Variants in MAOB observed in about 807,000 individuals in gnomAD.
MAOB encodes amine oxidase [flavin-containing] B.
A neutral mutation model predicts 41.9 loss-of-function variants in MAOB; 15 were observed. The observed-to-expected ratio is 0.36, with a 90% CI of 0.24 to 0.55. The LOEUF (loss-of-function observed/expected upper bound fraction) is 0.55. MAOB is among the 20% of genes least tolerant of loss of function. MAOB has a pLI of 0.86. For missense variants in MAOB, 345 were observed against 398.7 expected (o/e 0.87, Z 1.15); for synonymous variants, 167 against 144.2 (o/e 1.16, Z -1.13).
chrX:43,871,012 A>G (rs2035403287), intron 1 of MAOB, among the ~76,000 whole-genome samples: 1 of 110,707 alleles, frequency 9.0e-6, no homozygotes, highest in African/African-American at 3.3e-5. Flanking sequence ...TAGAAGCTTT[A>G]TCGGGGTTCA....
At chrX:43,802,352 C>T in intron 4 of MAOB, 89 bp from the exon 5 acceptor site, 1 of 617,711 alleles carries the variant, frequency 1.6e-6, no homozygotes, top group Non-Finnish European at 2.5e-6. Context: ...CTTTAAATAA[C>T]TATTCAAATA....
chrX:43,814,859 A>G (rs1388606436), intron 3 of MAOB, among the ~76,000 whole-genome samples: 4 of 111,970 alleles, frequency 3.6e-5, no homozygotes, highest in Non-Finnish European at 7.5e-5. Flanking sequence ...CACAATCAAA[A>G]TTAATTTATT....
At position 43,792,806 on chromosome X, in the gene MAOB, G is replaced by A. The variant is rs138611186; in HGVS notation, c.928+613C>T. ...AGAAGTAAAAATGGAACTATCATGC[G>A]ACCCAGCAATCTCATTATTAGGTAT... On this transcript the variant is annotated intron_variant, in intron 8 of 14. Coordinates refer to ENST00000378069, the MANE Select transcript of MAOB (RefSeq NM_000898.5). Among the ~76,000 whole-genome samples, 636 of 111,631 alleles carry A rather than the reference G, an allele frequency of 5.7e-3. 2 individuals are homozygous for A. Among genetic ancestry groups the A allele is most frequent in the African/African-American group, 0.019 (598 of 30,741 alleles).
intron 3 of MAOB, among the ~76,000 whole-genome samples, chrX:43,808,989 G>C (rs1368024718): frequency 9.0e-6 from 1 of 111,076 alleles, no homozygotes; most frequent in African/African-American, 3.3e-5. Context: ...ACCGCACCCA[G>C]CCATATCCTT....
At chrX:43,812,466 T>A (rs952015118) in intron 3 of MAOB, among the ~76,000 whole-genome samples, 4 of 112,021 alleles carry the variant, frequency 3.6e-5, no homozygotes, top group Non-Finnish European at 7.5e-5. Context: ...CCACCAACAA[T>A]GTGCAAATAT....
At chrX:43,870,000 C>A (rs2147180873) in intron 1 of MAOB, among the ~76,000 whole-genome samples, 1 of 112,388 alleles carries the variant, frequency 8.9e-6, no homozygotes, top group East Asian at 2.8e-4. Context: ...ACTCCATTGT[C>A]CATTTTTTTT....
At chrX:43,865,043 T>TC (rs1322506049) in intron 1 of MAOB, among the ~76,000 whole-genome samples, 4 of 111,722 alleles carry the variant, frequency 3.6e-5, no homozygotes, top group African/African-American at 1.3e-4. Flanking sequence ...GCAGTTTCGC[T>TC]CCCGGGTATA....
At chrX:43,844,954 A>C (rs934863046) in intron 1 of MAOB, among the ~76,000 whole-genome samples, 2 of 111,650 alleles carry the variant, frequency 1.8e-5, no homozygotes, top group Non-Finnish European at 3.8e-5. Flanking sequence ...CCCCCAGTAA[A>C]TGTATTCTTC....
At chrX:43,867,394 T>C (rs2035372485) in intron 1 of MAOB, among the ~76,000 whole-genome samples, 1 of 112,258 alleles carries the variant, frequency 8.9e-6, no homozygotes, top group African/African-American at 3.2e-5. Context: ...CCCAAGAAAC[T>C]AGAAATTATT....
In MAOB at chrX:43,778,664, G is replaced by C; in HGVS notation, c.1137+18C>G. The C allele has an allele frequency of 8.4e-7, 1 of 1,196,800 alleles. No homozygotes were observed. Among genetic ancestry groups the C allele is most frequent in the Non-Finnish European group, 1.1e-6 (1 of 883,610 alleles). ...AAAGGCCTCTCACCCTTAGTATAGG[G>C]TTGGGAAGCAGCCTTACCTCCAGAG... On this transcript the variant is annotated intron_variant, in intron 11 of 14. Coordinates refer to ENST00000378069, the MANE Select transcript of MAOB (RefSeq NM_000898.5).
At chrX:43,854,688 T>A (rs2035277151) in intron 1 of MAOB, among the ~76,000 whole-genome samples, 1 of 111,515 alleles carries the variant, frequency 9.0e-6, no homozygotes, top group East Asian at 2.8e-4. Flanking sequence ...TAAAATGAAA[T>A]CTAAGTTCCA....
intron 1 of MAOB, among the ~76,000 whole-genome samples, chrX:43,857,287 T>C (rs1282242436): frequency 9.6e-6 from 1 of 104,120 alleles, no homozygotes; most frequent in African/African-American, 3.5e-5. Context: ...TTCAAGCCAT[T>C]CTCCTGTCTC....
At chrX:43,769,558 T>C in intron 12 of MAOB, 140 bp from the exon 13 acceptor site, 18 of 967,448 alleles carry the variant, frequency 1.9e-5, no homozygotes, top group South Asian at 3.2e-5. Flanking sequence ...ATAATGTTTA[T>C]GTGGTTCCTC....
intron 8 of MAOB, among the ~76,000 whole-genome samples, chrX:43,790,088 T>A (rs2034445490): frequency 8.9e-6 from 1 of 111,835 alleles, no homozygotes; most frequent in Admixed American, 9.5e-5. Flanking sequence ...TTACTGACTG[T>A]GTGCCTGATA....
At chrX:43,783,760 C>T (rs1483490274) in intron 8 of MAOB, among the ~76,000 whole-genome samples, 1 of 111,477 alleles carries the variant, frequency 9.0e-6, no homozygotes, top group African/African-American at 3.3e-5. Context: ...AAGACAACAA[C>T]GAAGTTTGCC....
intron 1 of MAOB, among the ~76,000 whole-genome samples, chrX:43,858,149 G>T (rs762436498): frequency 1.3e-4 from 14 of 111,634 alleles, no homozygotes; most frequent in African/African-American, 4.2e-4. Context: ...ACCCACTGAG[G>T]AAATTCCTCC....
At position 43,781,533 on chromosome X, in the gene MAOB, T is replaced by C. The variant is rs2034332370; in HGVS notation, c.940A>G (p.Thr314Ala). The C allele has an allele frequency of 4.3e-6, 5 of 1,167,065 alleles. No individual in the cohort carries two copies. Among genetic ancestry groups the C allele is most frequent in the Non-Finnish European group, 5.8e-6 (5 of 859,024 alleles). The change falls in exon 9 of 15, where the codon ACC (threonine) becomes GCC (alanine). Residue 314 changes from threonine to alanine, a missense_variant. Transcript: ENST00000378069. ...PFWRKKDYCG[T>A]MIIDGEEAPV... ...GCTTCTTCTCCATCAATAATCATGG[T>C]TCCACAGTAATCTTAGAGAACAGCA...
At chrX:43,798,685 C>T (rs2034557302) in intron 5 of MAOB, among the ~76,000 whole-genome samples, 1 of 111,623 alleles carries the variant, frequency 9.0e-6, no homozygotes, top group Non-Finnish European at 1.9e-5. Context: ...CCCCTTTTGA[C>T]TTTGACATGA....
At chrX:43,791,822 C>T (rs760423371) in intron 8 of MAOB, among the ~76,000 whole-genome samples, 306 of 112,062 alleles carry the variant, frequency 2.7e-3, no homozygotes, top group South Asian at 6.0e-3. Context: ...AGCTATATTT[C>T]AAGTGTTCAG....
Sources: gnomAD v4.1 joint callset for allele counts (sites outside exome capture counted in the v4.1 genomes callset) on GRCh38, gnomAD v4.1.1 for gene constraint, MANE v1.5 for transcripts, NCBI Gene and HGNC (gene_info 2026-07-23, HGNC 2026-07-21) for gene names.